Variants in AFDN observed in about 807,000 individuals in gnomAD.
The protein encoded by AFDN is afadin, adherens junction formation factor, also known as afadin.
A neutral mutation model predicts 216.6 loss-of-function variants in AFDN; 68 were observed. The observed-to-expected ratio is 0.31, with a 90% CI of 0.26 to 0.38. The LOEUF is 0.38. Among genes scored for constraint, AFDN ranks in the 10% least tolerant of loss-of-function variants. The pLI is 1.00. For missense variants in AFDN, 2,136 were observed against 2,342.0 expected (o/e 0.91, Z 1.82); for synonymous variants, 868 against 853.7 (o/e 1.02, Z -0.29).
intron 23 of AFDN, among the ~76,000 whole-genome samples, chr6:167,933,585 A>C (rs1793603416): frequency 6.6e-6 from 1 of 152,240 alleles, no homozygotes; most frequent in Admixed American, 6.5e-5. Flanking sequence ...TTCCACGGAG[A>C]TGCCAGAAAC....
rs960806876 is a variant in AFDN at position 167,962,672 on chromosome 6, G to C, written c.4968+105G>C. The stretch of plus-strand genomic sequence containing the variant: ...AAGTTCTGTGTTTCTTAAGAAGCAC[G>C]AGGCAGAGCAGGGCCTGGCTCCCCC... On this transcript the variant is annotated intron_variant, in intron 31 of 33. Coordinates refer to ENST00000683244, the MANE Select transcript of AFDN (RefSeq NM_001386888.1). The surrounding 1 kb of genome is among the most constrained non-coding windows in gnomAD (Gnocchi z 5.2). The C allele has an allele frequency of 1.3e-6, 2 of 1,578,510 alleles. No homozygotes were observed. Among genetic ancestry groups the C allele is most frequent in the African/African-American group, 1.3e-5 (1 of 74,132 alleles).
chr6:167,826,807 TGCGGCGGCGCCGCGC>T (rs1562506270), upstream of AFDN: 3 of 144,194 alleles, frequency 2.1e-5, no homozygotes, highest in East Asian at 6.1e-4. Flanking sequence ...GGCCCGGAGG[TGCGGCGGCGCCGCGC>T]GGGGCGGCGG....
intron 13 of AFDN, among the ~76,000 whole-genome samples, chr6:167,910,622 T>TG (rs1790264130): frequency 6.6e-6 from 1 of 152,182 alleles, no homozygotes; most frequent in African/African-American, 2.4e-5. Flanking sequence ...GAAGGAGACT[T>TG]GCCGTGGTCA....
chr6:167,952,079 G>C lies in AFDN; in HGVS notation c.4725G>C (p.Lys1575Asn). The change falls in exon 30 of 34, where the codon AAG becomes AAC. Residue 1575 changes from lysine (K) to asparagine (N), a missense_variant. Physicochemically the swap from Lys to Asn is moderately conservative, Grantham distance 94. Around this residue, in one of 8 missense-constraint regions of AFDN, gnomAD observed 981 missense variants for 966.0 expected, o/e 1.02. Coordinates refer to ENST00000683244, the MANE Select transcript of AFDN (RefSeq NM_001386888.1). ...RKLMLEWQFQ[K>N]RLQESKQKDE... ...TCATGCTGGAGTGGCAGTTCCAGAA[G>C]AGACTCCAGGAGTCGAAGCAGAAGG... 3 of 1,614,054 alleles carry C rather than the reference G, an allele frequency of 1.9e-6. No homozygotes were observed. Among genetic ancestry groups the C allele is most frequent in the Non-Finnish European group, 2.5e-6 (3 of 1,179,978 alleles).
chr6:167,857,041 C>T (rs1234153035), intron 1 of AFDN, among the ~76,000 whole-genome samples: 1 of 151,986 alleles, frequency 6.6e-6, no homozygotes, highest in African/African-American at 2.4e-5. Flanking sequence ...ATGTTAACCT[C>T]GTTATTTATA....
chr6:167,947,235 A>G (rs1015219287), intron 27 of AFDN, among the ~76,000 whole-genome samples: 1 of 150,402 alleles, frequency 6.6e-6, no homozygotes, highest in Non-Finnish European at 1.5e-5. Context: ...AGTGCAGTGC[A>G]GTGGCGCGAT....
chr6:167,862,746 G>C (rs1013291327), intron 1 of AFDN, among the ~76,000 whole-genome samples: 1 of 152,224 alleles, frequency 6.6e-6, no homozygotes, highest in African/African-American at 2.4e-5. Flanking sequence ...GGTTTGCTTT[G>C]TTTGTTACTT....
At position 167,970,904 on chromosome 6, in the gene AFDN, C is replaced by A. The variant is rs1329650140; in HGVS notation, c.*969C>A. 1 of 212,936 alleles carries A rather than the reference C, an allele frequency of 4.7e-6. No homozygotes were observed. The highest frequency in any genetic ancestry group is 9.5e-6 in the Non-Finnish European group (1 of 105,682). 13.2% of individuals were successfully genotyped at this position (212,936 alleles called of 1,614,324 possible). Reference sequence around the variant, plus strand: ...AAGAAATCGATTTTCATCTGTATGCCGTCAAGGAAGGAATTCAGTTACAGG... The same window carrying A: ...AAGAAATCGATTTTCATCTGTATGCAGTCAAGGAAGGAATTCAGTTACAGG... On this transcript the variant is annotated 3_prime_UTR_variant, in exon 34 of 34. Coordinates refer to ENST00000683244, the MANE Select transcript of AFDN (RefSeq NM_001386888.1).
At chr6:167,885,451 A>T in intron 6 of AFDN, among the ~76,000 whole-genome samples, 1 of 152,172 alleles carries the variant, frequency 6.6e-6, no homozygotes, top group Non-Finnish European at 1.5e-5. Context: ...TTAGGGTATT[A>T]ATTGGCCTAA....
chr6:167,867,578 C>T lies in AFDN; in HGVS notation c.302-2808C>T, dbSNP rs971688866. On this transcript the variant is annotated intron_variant, in intron 2 of 33. Transcript: ENST00000683244. ...CTGAGTAGCTGGGATTACAGGCGCC[C>T]GCCACCACACCTGGCCAATTTTTTG... 7.9e-5 allele frequency among the ~76,000 whole-genome samples: 12 copies of T among 151,736 alleles called. No homozygotes were observed. In the East Asian group the frequency reaches 1.4e-3, roughly 17 times the overall value.
intron 21 of AFDN, among the ~76,000 whole-genome samples, chr6:167,920,575 A>C (rs1791653978): frequency 1.3e-5 from 2 of 151,966 alleles, no homozygotes; most frequent in African/African-American, 2.4e-5. Context: ...TCTATTGTTC[A>C]TATTGCCATG....
At position 167,965,982 on chromosome 6, in the gene AFDN, C is replaced by T. The variant is rs375886860; in HGVS notation, c.5194C>T (p.Leu1732=). ...LKTQVLSPDS[L]FTAKFVAYNE... ...AACACAGGTCCTCTCCCCCGACTCG[C>T]TGTTCACTGCCAAGTTTGTTGCATA... The change falls in exon 32 of 34, where the codon CTG becomes TTG. Residue 1732 remains leucine, a synonymous_variant. Coordinates refer to ENST00000683244, the MANE Select transcript of AFDN (RefSeq NM_001386888.1). 1.2e-5 allele frequency: 19 copies of T among 1,550,956 alleles called. No homozygotes were observed. In the East Asian group the frequency reaches 1.7e-4, roughly 14 times the overall value.
chr6:167,867,427 CT>C (rs1784302367), intron 2 of AFDN, among the ~76,000 whole-genome samples: 2 of 146,638 alleles, frequency 1.4e-5, no homozygotes, highest in Non-Finnish European at 3.0e-5. Context: ...TCTTTTTTTT[CT>C]TTTCTTTTTT....
rs147860701 is a variant in AFDN, at chr6:167,866,019, T to C, written c.301+1273T>C. Among the ~76,000 whole-genome samples, 735 of 152,296 alleles carry C rather than the reference T, an allele frequency of 4.8e-3. 10 individuals are homozygous for C. The highest frequency in any genetic ancestry group is 0.017 in the African/African-American group (693 of 41,558). On this transcript the variant is annotated intron_variant, in intron 2 of 33. Coordinates refer to ENST00000683244, the MANE Select transcript of AFDN (RefSeq NM_001386888.1). ...CTAAATTTAACAATAGAGGGTGTTC[T>C]CAATTTTGGGTGATTTTTCTGAAGC...
chr6:167,881,067 A>G (rs1481428420), intron 6 of AFDN, among the ~76,000 whole-genome samples: 3 of 152,156 alleles, frequency 2.0e-5, no homozygotes, highest in African/African-American at 7.2e-5. Flanking sequence ...TTCTCATCCT[A>G]ATAATATTTA....
chr6:167,859,075 T>TG (rs1042451807), intron 1 of AFDN, among the ~76,000 whole-genome samples: 1 of 150,836 alleles, frequency 6.6e-6, no homozygotes, highest in African/African-American at 2.4e-5. Flanking sequence ...GTTCTTGTTT[T>TG]TTTTTTTTTT....
At position 167,946,910 on chromosome 6, in the gene AFDN, G is replaced by T; in HGVS notation, c.3553+9G>T. The stretch of plus-strand genomic sequence containing the variant: ...CAGCCCCAACGTAGCAAGTAAGAGT[G>T]ACACTTTTTTGCTTCCTAAGTACAC... On this transcript the variant is annotated intron_variant, in intron 27 of 33. Coordinates refer to ENST00000683244, the MANE Select transcript of AFDN (RefSeq NM_001386888.1). 6.2e-7 allele frequency: 1 copy of T among 1,603,162 alleles called. No homozygotes were observed.
At chr6:167,826,590 C>T (rs1779071682), upstream of AFDN, 3 of 526,164 alleles carry the variant, frequency 5.7e-6, no homozygotes, top group Admixed American at 5.8e-5. Context: ...CCGGACCCAA[C>T]ACAGCACCAC....
rs754798852 is a variant in AFDN at position 167,952,150 on chromosome 6, T to G, written c.4796T>G (p.Leu1599Arg). ...EEEDDDVDTM[L>R]IMQRLEAERR... The stretch of plus-strand genomic sequence containing the variant: ...GAGGACGATGATGTGGACACCATGC[T>G]GATCATGCAGCGCCTGGAGGCTGAA... Residue 1599 changes from leucine to arginine, a missense_variant, in exon 30 of 34, where the codon CTG becomes CGG. Leu to Arg is a moderately radical substitution (Grantham distance 102, BLOSUM62 -2). This residue lies in a region of AFDN where 981 missense variants were observed against 966.0 expected (regional missense o/e 1.02). Coordinates refer to ENST00000683244, the MANE Select transcript of AFDN (RefSeq NM_001386888.1). The G allele has an allele frequency of 2.5e-6, 4 of 1,614,112 alleles. No individual in the cohort carries two copies. Among genetic ancestry groups the G allele is most frequent in the Admixed American group, 3.3e-5 (2 of 60,008 alleles).
Sources: gnomAD v4.1 joint callset for allele counts (sites outside exome capture counted in the v4.1 genomes callset) on GRCh38, gnomAD v4.1.1 for gene constraint, gnomAD v4.1.1 regional missense constraint, Gnocchi (gnomAD v3.1) non-coding constraint, MANE v1.5 for transcripts, NCBI Gene and HGNC (gene_info 2026-07-23, HGNC 2026-07-21) for gene names.